Variants in ZNF407 observed in about 807,000 individuals in gnomAD.
The protein encoded by ZNF407 is zinc finger protein 407.
In ZNF407, 17 loss-of-function variants were observed where a neutral mutation model predicts 131.2. The ratio of observed to expected loss-of-function variants is 0.13; its 90% CI spans 0.09 to 0.19. The LOEUF (loss-of-function observed/expected upper bound fraction) is 0.19. Ranked by LOEUF, ZNF407 falls within the 10% of genes least tolerant of loss-of-function variation. The probability of loss-of-function intolerance (pLI) is 1.00; values close to 1 mark genes in which losing one functional copy is unlikely to be tolerated. For missense variants in ZNF407, 2,681 were observed against 2,830.6 expected (o/e 0.95, Z 1.20); for synonymous variants, 1,156 against 1,062.0 (o/e 1.09, Z -1.72).
chr18:74,839,747 C>G (rs1019628625), intron 4 of ZNF407, among the ~76,000 whole-genome samples: 27 of 152,076 alleles, frequency 1.8e-4, no homozygotes, highest in African/African-American at 6.3e-4. Flanking sequence ...TATCTAAAAA[C>G]TATGTGTGTA....
Position 74,887,881 on chromosome 18 carries a change from C to T in ZNF407, c.5129-2037C>T, listed in dbSNP as rs1971331698. 2.0e-5 allele frequency among the ~76,000 whole-genome samples: 3 copies of T among 152,138 alleles called. No individual in the cohort carries two copies. In the South Asian group the frequency reaches 6.2e-4, roughly 32 times the overall value. On this transcript the variant is annotated intron_variant, in intron 6 of 8. Coordinates refer to ENST00000299687, the MANE Select transcript of ZNF407 (RefSeq NM_017757.3). The stretch of plus-strand genomic sequence containing the variant: ...TTGAAGTCCATCTGGCTTCATCTAA[C>T]TACTGTGCTGCAGTAAGAGAGAAAA...
intron 8 of ZNF407, among the ~76,000 whole-genome samples, chr18:74,968,745 A>T (rs1396334127): frequency 6.6e-6 from 1 of 152,200 alleles, no homozygotes; most frequent in Non-Finnish European, 1.5e-5. Flanking sequence ...AAGTTTAATT[A>T]TGAAGTGTCT....
chr18:74,644,496 C>T (rs1187372725), intron 3 of ZNF407, among the ~76,000 whole-genome samples: 1 of 151,728 alleles, frequency 6.6e-6, no homozygotes, highest in Non-Finnish European at 1.5e-5. Flanking sequence ...GTAAAAATCT[C>T]GATGACTTAC....
At chr18:74,683,669 A>G (rs908159956) in intron 3 of ZNF407, among the ~76,000 whole-genome samples, 1 of 152,204 alleles carries the variant, frequency 6.6e-6, no homozygotes, top group Non-Finnish European at 1.5e-5. Flanking sequence ...TGAATACAAC[A>G]TTTATGATTT....
At position 74,692,237 on chromosome 18, in the gene ZNF407, G is replaced by A. The variant is rs557515030; in HGVS notation, c.4802+51115G>A. The stretch of plus-strand genomic sequence containing the variant: ...ATGGGGCCTCCATTCAGTCTAGTCC[G>A]GAGTGGAGCTGTGTTAAGGTTTTGC... On this transcript the variant is annotated intron_variant, in intron 3 of 8. Coordinates refer to ENST00000299687, the MANE Select transcript of ZNF407 (RefSeq NM_017757.3). 1.6e-4 allele frequency among the ~76,000 whole-genome samples: 24 copies of A among 152,164 alleles called. No homozygotes were observed. In the East Asian group the frequency reaches 1.9e-3, roughly 12 times the overall value.
chr18:74,996,626 A>G (rs1972783735), intron 8 of ZNF407, among the ~76,000 whole-genome samples: 3 of 152,230 alleles, frequency 2.0e-5, no homozygotes, highest in South Asian at 2.1e-4. Context: ...TTAGGTTACA[A>G]CTTCTGCTGA....
chr18:74,644,868 CT>C (rs952830435), intron 3 of ZNF407, among the ~76,000 whole-genome samples: 2 of 151,174 alleles, frequency 1.3e-5, no homozygotes, highest in East Asian at 1.9e-4. Flanking sequence ...TTAGTTTGTA[CT>C]TTTTTTTTCT....
chr18:74,624,001 C>T (rs1483994837), intron 1 of ZNF407, among the ~76,000 whole-genome samples: 1 of 152,132 alleles, frequency 6.6e-6, no homozygotes, highest in African/African-American at 2.4e-5. Context: ...TTATTTTAGT[C>T]TAGATACTTG....
rs115229778 is a variant in ZNF407 at position 74,716,760 on chromosome 18, A to G, written c.4803-64668A>G. Among the ~76,000 whole-genome samples, 961 of 152,290 alleles carry G rather than the reference A, an allele frequency of 6.3e-3. 7 individuals carry two copies. The highest frequency in any genetic ancestry group is 0.022 in the African/African-American group (899 of 41,560). ...TTACCTCTAATTTATGACATAAAGAAAGCAATGTATCGGTAATGTTTGTTT... is the reference window on the plus strand; with the variant it reads ...TTACCTCTAATTTATGACATAAAGAGAGCAATGTATCGGTAATGTTTGTTT... On this transcript the variant is annotated intron_variant, in intron 3 of 8. Transcript: ENST00000299687.
chr18:75,053,699 C>T (rs1177895121), intron 8 of ZNF407, among the ~76,000 whole-genome samples: 14 of 152,182 alleles, frequency 9.2e-5, no homozygotes, highest in Non-Finnish European at 1.2e-4. Context: ...GAAGAAAATG[C>T]GTTATCGTTT....
chr18:74,633,700 T>C lies in ZNF407; in HGVS notation c.2681T>C (p.Met894Thr), dbSNP rs1196194209. Residue 894 changes from methionine to threonine, a missense_variant, in exon 2 of 9, where the codon ATG becomes ACG. Met to Thr is a moderately conservative substitution (Grantham distance 81, BLOSUM62 -1). This residue lies in a region of ZNF407 where 1,789 missense variants were observed against 1,748.7 expected (regional missense o/e 1.02). Coordinates refer to ENST00000299687, the MANE Select transcript of ZNF407 (RefSeq NM_017757.3). ...CKYYTVTKGD[M>T]ERHCATKKHK... ...TATTACACTGTAACTAAGGGAGATA[T>C]GGAACGTCATTGTGCCACCAAGAAA... is the stretch of plus-strand genomic sequence containing the variant. 2 of 1,613,886 alleles carry C rather than the reference T, an allele frequency of 1.2e-6. No homozygotes were observed. Among genetic ancestry groups the C allele is most frequent in the Non-Finnish European group, 1.7e-6 (2 of 1,179,886 alleles).
rs1225009147 is a variant in ZNF407 at position 75,063,758 on chromosome 18, A to G, written c.6037A>G (p.Arg2013Gly). The change falls in exon 9 of 9, where the codon AGG becomes GGG. Residue 2013 changes from arginine to glycine, a missense_variant. By Grantham distance (125) the Arg-to-Gly change is moderately radical (BLOSUM62 -2). Transcript: ENST00000299687. The surrounding 1 kb of genome is among the most constrained non-coding windows in gnomAD (Gnocchi z 6.6). ...EGRAGLEEQG[R>G]PGAKDVLIQL... ...CAGGGCTGGGCTCGAGGAGCAAGGC[A>G]GGCCCGGCGCCAAAGACGTGCTGAT... The G allele has an allele frequency of 1.2e-6, 2 of 1,611,470 alleles. No individual in the cohort carries two copies. Among genetic ancestry groups the G allele is most frequent in the Non-Finnish European group, 1.7e-6 (2 of 1,179,758 alleles).
intron 3 of ZNF407, among the ~76,000 whole-genome samples, chr18:74,700,644 GT>G (rs1967471010): frequency 6.6e-6 from 1 of 152,000 alleles, no homozygotes; most frequent in Admixed American, 6.6e-5. Flanking sequence ...CTATAAAATA[GT>G]TTCTGTGATG....
intron 8 of ZNF407, among the ~76,000 whole-genome samples, chr18:74,925,845 A>T (rs964967504): frequency 1.3e-5 from 2 of 152,188 alleles, no homozygotes; most frequent in African/African-American, 4.8e-5. Context: ...ATTAAATTGT[A>T]CTTCTCCAAA....
At chr18:74,787,089 G>T (rs1354536863) in intron 4 of ZNF407, among the ~76,000 whole-genome samples, 1 of 152,044 alleles carries the variant, frequency 6.6e-6, no homozygotes, top group African/African-American at 2.4e-5. Context: ...TTACAGGTGT[G>T]AGCCACCATG....
chr18:75,012,688 C>T (rs55827951), intron 8 of ZNF407, among the ~76,000 whole-genome samples: 144,008 of 151,252 alleles, frequency 0.95, 68,949 homozygotes, highest in East Asian at 1. Flanking sequence ...GTGGAACTTT[C>T]TTTTTTTCCC....
chr18:74,803,932 A>G, intron 4 of ZNF407: 1 of 1,549,416 alleles, frequency 6.5e-7, no homozygotes, highest in Non-Finnish European at 8.7e-7. Flanking sequence ...AACATGAAGC[A>G]ATTTAACAAA....
At chr18:74,985,861 G>A (rs192088644) in intron 8 of ZNF407, among the ~76,000 whole-genome samples, 14 of 152,298 alleles carry the variant, frequency 9.2e-5, no homozygotes, top group Admixed American at 6.5e-4. Flanking sequence ...CAGGCAGAGC[G>A]TATGGAATTG....
chr18:75,024,292 C>T (rs1433316543), intron 8 of ZNF407, among the ~76,000 whole-genome samples: 2 of 152,124 alleles, frequency 1.3e-5, no homozygotes, highest in Non-Finnish European at 2.9e-5. Context: ...TTAACTTACT[C>T]GCAGATACTG....
Sources: allele counts gnomAD v4.1 joint callset (sites outside exome capture counted in the v4.1 genomes callset), GRCh38; gene constraint gnomAD v4.1.1; regional missense constraint gnomAD v4.1.1; non-coding constraint Gnocchi (gnomAD v3.1); transcripts MANE v1.5; gene names NCBI Gene and HGNC (gene_info 2026-07-23, HGNC 2026-07-21).